The following SIPA1L1 variants were observed in gnomAD, a reference collection of about 807,000 sequenced individuals.
The protein encoded by SIPA1L1 is signal induced proliferation associated 1 like 1.
SIPA1L1 carries 26 observed loss-of-function variants against 162.7 expected under a neutral mutation model. That is an observed-to-expected ratio of 0.16 (90% CI 0.12 to 0.22). SIPA1L1 has a LOEUF of 0.22. SIPA1L1 is among the 10% of genes least tolerant of loss of function. The pLI is 1.00. For synonymous variants in SIPA1L1, 829 were observed against 837.4 expected (o/e 0.99, Z 0.17); for missense variants, 1,874 against 2,241.0 (o/e 0.84, Z 3.31).
chr14:71,349,763 G>A (rs758918566), intron 2 of SIPA1L1, among the ~76,000 whole-genome samples: 6 of 152,232 alleles, frequency 3.9e-5, no homozygotes, highest in Non-Finnish European at 7.3e-5. Context: ...TGAATGTCAA[G>A]TTCTGAATTT....
intron 22 of SIPA1L1, among the ~76,000 whole-genome samples, chr14:71,737,258 C>G (rs1423139080): frequency 6.6e-6 from 1 of 152,176 alleles, no homozygotes; most frequent in Non-Finnish European, 1.5e-5. Flanking sequence ...GGAATTGTAA[C>G]TTGAATCTTT....
chr14:71,330,257 G>A (rs2034361119), intron 2 of SIPA1L1: 2 of 685,934 alleles, frequency 2.9e-6, no homozygotes, highest in Non-Finnish European at 5.4e-6. Context: ...GGGAGGGGCT[G>A]AAAGTAGAAG....
At chr14:71,566,576 T>G (rs1248159700) in intron 4 of SIPA1L1, among the ~76,000 whole-genome samples, 1 of 152,186 alleles carries the variant, frequency 6.6e-6, no homozygotes, top group Non-Finnish European at 1.5e-5. Flanking sequence ...GACCTCCACA[T>G]GCACGGGAAC....
At chr14:71,355,993 C>T (rs2037203495) in intron 2 of SIPA1L1, among the ~76,000 whole-genome samples, 1 of 152,150 alleles carries the variant, frequency 6.6e-6, no homozygotes, top group Non-Finnish European at 1.5e-5. Context: ...AGAGACTGTA[C>T]TCTGAGTTTC....
Position 71,387,248 on chromosome 14 carries a change from CAAAAAAAAAA to C in SIPA1L1, c.-465+66086_-465+66095del, listed in dbSNP as rs398025583. 1.7e-4 allele frequency among the ~76,000 whole-genome samples: 9 copies of C among 53,860 alleles called. 1 individual carries two copies. The highest frequency in any genetic ancestry group is 2.7e-4 in the African/African-American group (3 of 10,956). The allele number at this position is 53,860 out of a possible 152,430, so 35.3% of individuals were successfully genotyped here. Reference sequence around the variant, plus strand: ...GGGCAACAAGAGCGAAACTCTGTCTCAAAAAAAAAAAAAAAAAAAAAAAAAAAAGAAAGAC... The same window carrying C: ...GGGCAACAAGAGCGAAACTCTGTCTCAAAAAAAAAAAAAAAAAAGAAAGAC... On this transcript the variant is annotated intron_variant, in intron 2 of 23. Transcript: ENST00000381232.
chr14:71,553,756 T>C (rs1471246068), intron 4 of SIPA1L1, among the ~76,000 whole-genome samples: 3 of 152,248 alleles, frequency 2.0e-5, no homozygotes, highest in Admixed American at 1.3e-4. Flanking sequence ...CTACATCATA[T>C]ACAATTCTTT....
At chr14:71,693,865 A>G (rs962620970) in intron 13 of SIPA1L1, among the ~76,000 whole-genome samples, 4 of 152,102 alleles carry the variant, frequency 2.6e-5, no homozygotes, top group African/African-American at 9.7e-5. Flanking sequence ...TATGGACTCA[A>G]GCATTTAATT....
intron 5 of SIPA1L1, among the ~76,000 whole-genome samples, chr14:71,589,790 T>C (rs1200832046): frequency 2.0e-5 from 3 of 152,012 alleles, no homozygotes; most frequent in Non-Finnish European, 4.4e-5. Flanking sequence ...ACAGGAATCA[T>C]TTCTTTGCTG....
intron 2 of SIPA1L1, among the ~76,000 whole-genome samples, chr14:71,420,811 G>A (rs2043136868): frequency 6.6e-6 from 1 of 152,078 alleles, no homozygotes; most frequent in East Asian, 1.9e-4. Context: ...TAACAGAGAA[G>A]CACTTAAAAA....
intron 2 of SIPA1L1, among the ~76,000 whole-genome samples, chr14:71,480,028 T>G (rs766939115): frequency 6.6e-6 from 1 of 151,960 alleles, no homozygotes; most frequent in Non-Finnish European, 1.5e-5. Flanking sequence ...CATGAGCCAT[T>G]GCATGCAGTC....
chr14:71,450,158 T>G (rs1445695160), intron 2 of SIPA1L1, among the ~76,000 whole-genome samples: 2 of 152,280 alleles, frequency 1.3e-5, no homozygotes, highest in South Asian at 2.1e-4. Context: ...TTTACATTCT[T>G]GATAGTGTGT....
At chr14:71,684,038 C>T (rs1051931687) in intron 12 of SIPA1L1, among the ~76,000 whole-genome samples, 1 of 152,098 alleles carries the variant, frequency 6.6e-6, no homozygotes, top group Admixed American at 6.5e-5. Context: ...TAGAGTGGAG[C>T]CTTGGGCGGA....
At chr14:71,650,996 C>T (rs562420783) in intron 8 of SIPA1L1, among the ~76,000 whole-genome samples, 1 of 152,174 alleles carries the variant, frequency 6.6e-6, no homozygotes, top group Admixed American at 6.5e-5. Context: ...TCACAGTCTA[C>T]TTAATCTCTG....
intron 2 of SIPA1L1, among the ~76,000 whole-genome samples, chr14:71,340,996 A>T (rs58286010): frequency 6.6e-6 from 1 of 152,222 alleles, no homozygotes; most frequent in African/African-American, 2.4e-5. Context: ...GTGAAGATGT[A>T]CTAGTATCTC....
intron 4 of SIPA1L1, among the ~76,000 whole-genome samples, chr14:71,565,542 TATA>T (rs2030302260): frequency 6.6e-6 from 1 of 152,226 alleles, no homozygotes; most frequent in African/African-American, 2.4e-5. Flanking sequence ...CAGTAAGAAA[TATA>T]ATAATATAAT....
chr14:71,491,891 T>C (rs2049313853), intron 2 of SIPA1L1, among the ~76,000 whole-genome samples: 1 of 151,480 alleles, frequency 6.6e-6, no homozygotes, highest in Admixed American at 6.6e-5. Context: ...AAGAGAATTA[T>C]GAGAATTTAC....
In SIPA1L1 at chr14:71,709,518, G is replaced by A. The variant is rs2082711887; in HGVS notation, c.4062G>A (p.Arg1354=). Residue 1354 remains arginine (R), a synonymous_variant, in exon 17 of 24, where the codon CGG becomes CGA. Transcript: ENST00000381232. ...GTGAAGTAATCTCCATGGCAGATCG[G>A]ACTTTGGAGACAGAGAGCCACGGCC... The part of the protein sequence containing the change: ...SSSEVISMAD[R]TLETESHGLD... The A allele has an allele frequency of 6.2e-7, 1 of 1,614,088 alleles. No homozygotes were observed.
chr14:71,407,702 G>A (rs1159017292), intron 2 of SIPA1L1, among the ~76,000 whole-genome samples: 3 of 152,080 alleles, frequency 2.0e-5, no homozygotes, highest in East Asian at 1.9e-4. Context: ...ACAAGGTTTT[G>A]CCATGTTGTC....
intron 7 of SIPA1L1, among the ~76,000 whole-genome samples, chr14:71,640,307 G>C (rs977680262): frequency 2.6e-5 from 4 of 152,128 alleles, no homozygotes; most frequent in African/African-American, 9.7e-5. Context: ...GAAAATCTTT[G>C]GGACCTTCAG....
Sources: gnomAD v4.1 joint callset for allele counts (sites outside exome capture counted in the v4.1 genomes callset) on GRCh38, gnomAD v4.1.1 for gene constraint, MANE v1.5 for transcripts, NCBI Gene and HGNC (gene_info 2026-07-23, HGNC 2026-07-21) for gene names.